FSTL4: variants seen among roughly 807,000 people sequenced by gnomAD.
FSTL4 encodes follistatin-related protein 4.
A neutral mutation model predicts 78.2 loss-of-function variants in FSTL4; 28 were observed. That is an observed-to-expected ratio of 0.36 (90% confidence interval 0.27 to 0.49). The LOEUF (loss-of-function observed/expected upper bound fraction) is 0.49. FSTL4 is among the 20% of genes least tolerant of loss of function. The probability of loss-of-function intolerance (pLI) is 0.98; values close to 1 mark genes in which losing one functional copy is unlikely to be tolerated. For synonymous variants in FSTL4, 422 were observed against 440.5 expected, an observed-to-expected ratio of 0.96 and a Z score of 0.53; for missense variants, 922 against 1,084.9, an observed-to-expected ratio of 0.85 and a Z score of 2.11.
chr5:133,689,757 G>GC, the FSTL4 span, among the ~76,000 whole-genome samples: 3 of 152,040 alleles, frequency 2.0e-5, no homozygotes, highest in Non-Finnish European at 2.9e-5. Context: ...CACTCTAAGT[G>GC]CCCCAATAAA....
At chr5:133,710,402 T>C in the FSTL4 span, among the ~76,000 whole-genome samples, 2 of 152,186 alleles carry the variant, frequency 1.3e-5, no homozygotes, top group Admixed American at 6.5e-5. Context: ...GGTTTACACT[T>C]ACTGTCCACT....
intron 4 of FSTL4, among the ~76,000 whole-genome samples, chr5:133,365,321 T>C (rs1264870912): frequency 1.3e-5 from 2 of 152,180 alleles, no homozygotes; most frequent in Non-Finnish European, 2.9e-5. Flanking sequence ...GGGATTTTAA[T>C]GGCAAATGTT....
chr5:133,483,341 G>A (rs28521089), intron 3 of FSTL4, among the ~76,000 whole-genome samples: 3,422 of 152,282 alleles, frequency 0.022, 129 homozygotes, highest in African/African-American at 0.077. Context: ...CAAATGCCCA[G>A]CAAAGGGCAT....
the FSTL4 span, among the ~76,000 whole-genome samples, chr5:133,810,841 C>T: frequency 6.6e-6 from 1 of 152,192 alleles, no homozygotes; most frequent in Admixed American, 6.5e-5. Context: ...ATGAAGCCAC[C>T]ATTTTGAACA....
At position 133,393,555 on chromosome 5, in the gene FSTL4, G is replaced by A. The variant is rs140085885; in HGVS notation, c.409+7183C>T. Among the ~76,000 whole-genome samples, 590 of 152,310 alleles carry A rather than the reference G, an allele frequency of 3.9e-3. 4 individuals carry two copies. Among genetic ancestry groups the A allele is most frequent in the African/African-American group, 0.014 (564 of 41,570 alleles). On this transcript the variant is annotated intron_variant, in intron 4 of 15. Transcript: ENST00000265342. ...TTGCAAAGACTGAAAGAACAACAGC[G>A]GCTACTGGACAGAAATGTGGGTAGG...
chr5:133,777,898 T>C, the FSTL4 span, among the ~76,000 whole-genome samples: 2 of 152,260 alleles, frequency 1.3e-5, no homozygotes, highest in Non-Finnish European at 2.9e-5. Flanking sequence ...TAGGACTATG[T>C]TTCTAGAATG....
intron 3 of FSTL4, among the ~76,000 whole-genome samples, chr5:133,557,541 AC>A (rs1462570195): frequency 6.6e-6 from 1 of 152,194 alleles, no homozygotes; most frequent in Non-Finnish European, 1.5e-5. Flanking sequence ...CCAACAGCAC[AC>A]AGCATTAATT....
the FSTL4 span, among the ~76,000 whole-genome samples, chr5:133,617,619 G>C: frequency 6.6e-6 from 1 of 152,186 alleles, no homozygotes; most frequent in Non-Finnish European, 1.5e-5. Context: ...TTGTTACAAG[G>C]CTGTGGCCTG....
chr5:133,312,832 C>T, intron 5 of FSTL4, 55 bp from the exon 6 acceptor site: 2 of 1,592,382 alleles, frequency 1.3e-6, no homozygotes, highest in African/African-American at 2.7e-5. Context: ...GAGTCATAGG[C>T]ATTGATGAAA....
chr5:133,818,879 C>G, the FSTL4 span, among the ~76,000 whole-genome samples: 1 of 137,072 alleles, frequency 7.3e-6, no homozygotes, highest in South Asian at 2.5e-4. Flanking sequence ...TAAAGCCCCC[C>G]ACCCAGCCCT....
the FSTL4 span, among the ~76,000 whole-genome samples, chr5:133,727,852 G>A: frequency 6.6e-6 from 1 of 152,214 alleles, no homozygotes; most frequent in African/African-American, 2.4e-5. Flanking sequence ...AGCGTCAGGG[G>A]AGCCAAGAGC....
At chr5:133,206,366 T>C (rs1009036546) in intron 14 of FSTL4, among the ~76,000 whole-genome samples, 1 of 152,168 alleles carries the variant, frequency 6.6e-6, no homozygotes, top group Non-Finnish European at 1.5e-5. Context: ...TAGTGTTATT[T>C]ATTTTTTGAG....
At chr5:133,729,430 G>A in the FSTL4 span, among the ~76,000 whole-genome samples, 1 of 152,136 alleles carries the variant, frequency 6.6e-6, no homozygotes, top group Non-Finnish European at 1.5e-5. Flanking sequence ...GTTGCTGGGA[G>A]GGTTAAATAA....
intron 3 of FSTL4, among the ~76,000 whole-genome samples, chr5:133,479,289 G>T (rs943714737): frequency 4.6e-5 from 7 of 152,190 alleles, no homozygotes; most frequent in African/African-American, 1.7e-4. Context: ...GAGTAAATAG[G>T]TGTCAGTTTC....
the FSTL4 span, among the ~76,000 whole-genome samples, chr5:133,651,393 G>C: frequency 6.6e-6 from 1 of 152,070 alleles, no homozygotes; most frequent in South Asian, 2.1e-4. Flanking sequence ...TCTTTATCAA[G>C]TTGAGGAAGT....
intron 14 of FSTL4, among the ~76,000 whole-genome samples, chr5:133,206,504 G>T (rs892024899): frequency 6.6e-6 from 1 of 152,096 alleles, no homozygotes; most frequent in African/African-American, 2.4e-5. Context: ...TGGGATTACA[G>T]ATGTGCACCA....
chr5:133,367,612 T>C (rs1469726019), intron 4 of FSTL4, among the ~76,000 whole-genome samples: 2 of 152,106 alleles, frequency 1.3e-5, no homozygotes, highest in East Asian at 1.9e-4. Context: ...GCAGAACCAT[T>C]TGAACAGCTG....
intron 4 of FSTL4, among the ~76,000 whole-genome samples, chr5:133,340,011 G>C (rs10064580): frequency 0.098 from 14,863 of 152,176 alleles, 949 homozygotes; most frequent in African/African-American, 0.17. Flanking sequence ...TTATTTCCCT[G>C]CATGAGTGCT....
chr5:133,579,824 G>C (rs530364177), intron 2 of FSTL4, among the ~76,000 whole-genome samples: 20 of 152,284 alleles, frequency 1.3e-4, no homozygotes, highest in Non-Finnish European at 2.4e-4. Flanking sequence ...TTCATTCTTT[G>C]TTTTGCACAG....
Sources: allele counts gnomAD v4.1 joint callset (sites outside exome capture counted in the v4.1 genomes callset), GRCh38; gene constraint gnomAD v4.1.1; transcripts MANE v1.5; gene names NCBI Gene and HGNC (gene_info 2026-07-23, HGNC 2026-07-21).